CNGB1: variants seen among roughly 807,000 people sequenced by gnomAD.
The protein encoded by CNGB1 is cyclic nucleotide gated channel subunit beta 1.
Under a neutral mutation model 151.7 loss-of-function variants are expected in CNGB1, and 126 were observed. The observed-to-expected ratio is 0.83, with a 90% CI of 0.72 to 0.96. CNGB1 has a LOEUF of 0.96. Ranked by LOEUF, CNGB1 falls within the 40% of genes least tolerant of loss-of-function variation. The pLI, the probability that CNGB1 is intolerant of heterozygous loss-of-function variation, is 0.00. For missense variants in CNGB1, 1,698 were observed against 1,627.0 expected (o/e 1.04, Z -0.75); for synonymous variants, 623 against 635.1 (o/e 0.98, Z 0.29).
chr16:57,910,170 C>T (rs1596969072), intron 25 of CNGB1, among the ~76,000 whole-genome samples: 1 of 152,256 alleles, frequency 6.6e-6, no homozygotes. Context: ...TCGGACACGC[C>T]TCATTGTACC....
intron 32 of CNGB1, among the ~76,000 whole-genome samples, chr16:57,885,574 CTCTCTTTCTTTCTT>C (rs1189952605): frequency 4.7e-4 from 48 of 102,212 alleles, no homozygotes; most frequent in East Asian, 2.4e-3. Flanking sequence ...CTCTCTCTCT[CTCTCTTTCTTTCTT>C]TCTTTCTTTC....
chr16:57,915,486 C>A (rs1796302298), intron 22 of CNGB1, 151 bp from the exon 23 acceptor site: 4 of 692,944 alleles, frequency 5.8e-6, no homozygotes, highest in Admixed American at 2.3e-5. Flanking sequence ...AGGTGTCCCA[C>A]CGACAAGCCC....
intron 25 of CNGB1, among the ~76,000 whole-genome samples, chr16:57,909,446 C>A (rs567814575): frequency 6.6e-6 from 1 of 152,220 alleles, no homozygotes; most frequent in South Asian, 2.1e-4. Flanking sequence ...AGTACAGTGG[C>A]GCAATTTTGG....
intron 22 of CNGB1, 55 bp from the exon 23 acceptor site, chr16:57,915,390 G>T: frequency 7.4e-7 from 1 of 1,342,500 alleles, no homozygotes; most frequent in Non-Finnish European, 1.1e-6. Context: ...AGGGTGGAAG[G>T]TGAGGGGAGT....
chr16:57,943,750 C>T (rs1345651050), intron 14 of CNGB1, among the ~76,000 whole-genome samples: 2 of 152,144 alleles, frequency 1.3e-5, no homozygotes, highest in African/African-American at 4.8e-5. Context: ...TAAATTCACA[C>T]AGCCATTATG....
intron 10 of CNGB1, 73 bp downstream of exon 10, chr16:57,959,815 G>A: frequency 7.1e-7 from 1 of 1,413,104 alleles, no homozygotes. Context: ...GTTTCCAGGA[G>A]GTTGGGTGTT....
intron 12 of CNGB1, among the ~76,000 whole-genome samples, chr16:57,951,959 G>A (rs1267134618): frequency 6.6e-6 from 1 of 152,216 alleles, no homozygotes; most frequent in Non-Finnish European, 1.5e-5. Context: ...CGGCTCCTCT[G>A]GCCCTGCAAA....
At chr16:57,909,380 G>A (rs1193235116) in intron 25 of CNGB1, among the ~76,000 whole-genome samples, 2 of 152,098 alleles carry the variant, frequency 1.3e-5, no homozygotes, top group East Asian at 1.9e-4. Context: ...AATTAAGTCT[G>A]TTCATTAAAA....
intron 13 of CNGB1, among the ~76,000 whole-genome samples, chr16:57,949,866 C>A (rs1284406319): frequency 6.6e-6 from 1 of 152,248 alleles, no homozygotes; most frequent in African/African-American, 2.4e-5. Flanking sequence ...AGCAATTCCC[C>A]TCTAGAAATC....
In CNGB1 at chr16:57,898,842, A is replaced by C. The variant is rs1662146941; in HGVS notation, c.2977-928T>G. Among the ~76,000 whole-genome samples the C allele has an allele frequency of 2.6e-5, 4 of 152,228 alleles. No homozygotes were observed. The South Asian group carries it at 8.3e-4, about 31-fold the overall frequency. ...CAGAGTTCATGGTTGTTATGGGTTG[A>C]ATTATGTACTCCCTCCCAAATTCAT... On this transcript the variant is annotated intron_variant, in intron 29 of 32. Coordinates refer to ENST00000251102, the MANE Select transcript of CNGB1 (RefSeq NM_001297.5).
intron 16 of CNGB1, among the ~76,000 whole-genome samples, chr16:57,936,913 T>G (rs1398497957): frequency 6.6e-6 from 1 of 152,124 alleles, no homozygotes; most frequent in African/African-American, 2.4e-5. Flanking sequence ...CTACAACCCC[T>G]CAAGTCACTA....
intron 29 of CNGB1, among the ~76,000 whole-genome samples, chr16:57,899,868 CAG>C (rs1960339511): frequency 1.3e-5 from 2 of 152,280 alleles, no homozygotes; most frequent in African/African-American, 4.8e-5. Context: ...CGGGGTGTCT[CAG>C]AGAGATCGCT....
chr16:57,905,211 A>G (rs542722925), intron 25 of CNGB1, among the ~76,000 whole-genome samples: 5 of 152,204 alleles, frequency 3.3e-5, no homozygotes, highest in Admixed American at 2.0e-4. Flanking sequence ...CACTCCCTCA[A>G]TTTCCTTCAG....
At chr16:57,908,094 T>C (rs575877708) in intron 25 of CNGB1, among the ~76,000 whole-genome samples, 9 of 152,330 alleles carry the variant, frequency 5.9e-5, no homozygotes, top group African/African-American at 2.2e-4. Flanking sequence ...TCTCCCCATA[T>C]TGCCTAGGCT....
At chr16:57,958,921 C>CTTTT (rs10708381) in intron 10 of CNGB1, among the ~76,000 whole-genome samples, 109 of 119,832 alleles carry the variant, frequency 9.1e-4, no homozygotes, top group African/African-American at 3.2e-3. Flanking sequence ...TCATGCCCAG[C>CTTTT]TTTTTTTTTT....
At position 57,884,338 on chromosome 16, in the gene CNGB1, C is replaced by T. The variant is rs754864561; in HGVS notation, c.3582G>A (p.Gly1194=). 2.2e-5 allele frequency: 35 copies of T among 1,594,984 alleles called. No homozygotes were observed. The highest frequency in any genetic ancestry group is 1.3e-4 in the South Asian group (12 of 89,596). The change falls in exon 33 of 33, where the codon GGG becomes GGA. Residue 1194 remains glycine, a synonymous_variant. Coordinates refer to ENST00000251102, the MANE Select transcript of CNGB1 (RefSeq NM_001297.5). The part of the protein sequence containing the change: ...PAPRTPPEPP[G]SPPSSPPPAS... ...CAGGCGGTGGAGAGCTCGGTGGAGACCCCGGGGGCTCGGGGGGCGTCCGGG... is the reference window on the plus strand; with the variant it reads ...CAGGCGGTGGAGAGCTCGGTGGAGATCCCGGGGGCTCGGGGGGCGTCCGGG...
chr16:57,901,328 G>A (rs376376400), intron 29 of CNGB1, 24 bp downstream of exon 29: 78 of 1,611,660 alleles, frequency 4.8e-5, no homozygotes, highest in Admixed American at 1.8e-4. Flanking sequence ...CCCAGATCCC[G>A]TGGTGGCTGC....
At chr16:57,891,700 G>A (rs1444947970) in intron 31 of CNGB1, among the ~76,000 whole-genome samples, 1 of 151,950 alleles carries the variant, frequency 6.6e-6, no homozygotes, top group Non-Finnish European at 1.5e-5. Flanking sequence ...GGGATGATAG[G>A]TGCCCATGAC....
intron 2 of CNGB1, among the ~76,000 whole-genome samples, chr16:57,965,055 C>A (rs1220847422): frequency 6.6e-6 from 1 of 152,248 alleles, no homozygotes. Context: ...CCTGCTACTA[C>A]GTGCACTTAT....
Sources: allele counts gnomAD v4.1 joint callset (sites outside exome capture counted in the v4.1 genomes callset), GRCh38; gene constraint gnomAD v4.1.1; transcripts MANE v1.5; gene names NCBI Gene and HGNC (gene_info 2026-07-23, HGNC 2026-07-21).